Variants in KIAA1328 observed in about 807,000 individuals in gnomAD.
KIAA1328 encodes the protein KIAA1328, also known as protein hinderin.
KIAA1328 carries 52 observed loss-of-function variants against 68.1 expected under a neutral mutation model. That is an observed-to-expected ratio of 0.76 (90% CI 0.61 to 0.96). The LOEUF is 0.96. Among genes scored for constraint, KIAA1328 ranks in the 40% least tolerant of loss-of-function variants. The probability of loss-of-function intolerance (pLI) is 0.00; values close to 1 mark genes in which losing one functional copy is unlikely to be tolerated. For missense variants in KIAA1328, 641 were observed against 677.6 expected (o/e 0.95, Z 0.60); for synonymous variants, 232 against 239.4 (o/e 0.97, Z 0.28).
intron 6 of KIAA1328, among the ~76,000 whole-genome samples, chr18:36,967,889 A>G (rs1469664104): frequency 6.6e-6 from 1 of 152,228 alleles, no homozygotes; most frequent in Non-Finnish European, 1.5e-5. Flanking sequence ...GTAAAGAAAA[A>G]AGAATGAAAG....
Position 37,125,662 on chromosome 18 carries a change from C to A in KIAA1328, c.1233-34538C>A, listed in dbSNP as rs79996873. Among the ~76,000 whole-genome samples the A allele has an allele frequency of 8.3e-3, 1,259 of 152,220 alleles. 20 individuals carry two copies. The highest frequency in any genetic ancestry group is 0.028 in the African/African-American group (1,182 of 41,538). ...AGATTACCAATCTCAAGAGCGAAAG[C>A]AGAGGCATTTCTACAGATATTACAG... On this transcript the variant is annotated intron_variant, in intron 7 of 9. Coordinates refer to ENST00000280020, the MANE Select transcript of KIAA1328 (RefSeq NM_020776.3).
intron 6 of KIAA1328, among the ~76,000 whole-genome samples, chr18:37,013,377 G>C (rs2054042262): frequency 6.6e-6 from 1 of 151,782 alleles, no homozygotes; most frequent in South Asian, 2.1e-4. Context: ...ATTTTTATGG[G>C]GTACATGTGC....
chr18:36,912,876 G>T (rs1360004970), intron 5 of KIAA1328, among the ~76,000 whole-genome samples: 1 of 152,158 alleles, frequency 6.6e-6, no homozygotes, highest in African/African-American at 2.4e-5. Context: ...TCCCAAAATG[G>T]TGGGGCAACG....
chr18:37,114,012 G>C (rs2058026441), intron 7 of KIAA1328, among the ~76,000 whole-genome samples: 1 of 152,126 alleles, frequency 6.6e-6, no homozygotes, highest in Non-Finnish European at 1.5e-5. Context: ...CATAAAGCAA[G>C]TCCTTAGAGA....
At chr18:36,864,011 A>G (rs1181890152) in intron 4 of KIAA1328, among the ~76,000 whole-genome samples, 1 of 152,134 alleles carries the variant, frequency 6.6e-6, no homozygotes, top group African/African-American at 2.4e-5. Context: ...TTCTATTTCT[A>G]AACTTCTGGT....
intron 6 of KIAA1328, among the ~76,000 whole-genome samples, chr18:37,005,187 C>G (rs1304720827): frequency 6.6e-6 from 1 of 151,904 alleles, no homozygotes; most frequent in Admixed American, 6.6e-5. Context: ...ACCACTAAAG[C>G]ACTTACTCAT....
chr18:36,949,152 C>T (rs766577906), intron 5 of KIAA1328, among the ~76,000 whole-genome samples: 21 of 152,036 alleles, frequency 1.4e-4, no homozygotes, highest in Non-Finnish European at 2.5e-4. Context: ...GTTCTTGTAA[C>T]CCATGAAAGG....
At chr18:37,142,997 C>T (rs2058805618) in intron 7 of KIAA1328, among the ~76,000 whole-genome samples, 2 of 151,350 alleles carry the variant, frequency 1.3e-5, no homozygotes, top group African/African-American at 4.9e-5. Flanking sequence ...CTCTGTCCCC[C>T]AGCCTGGAGT....
intron 6 of KIAA1328, among the ~76,000 whole-genome samples, chr18:37,003,718 A>G (rs148144108): frequency 0.016 from 2,416 of 152,204 alleles, 13 homozygotes; most frequent in Non-Finnish European, 0.024. Context: ...TTATAATTTC[A>G]GATCTTATAT....
intron 7 of KIAA1328, among the ~76,000 whole-genome samples, chr18:37,143,101 T>C (rs975368805): frequency 3.3e-5 from 5 of 152,070 alleles, no homozygotes; most frequent in African/African-American, 9.7e-5. Flanking sequence ...ATTACAGGCA[T>C]GTGCCACCAC....
At chr18:36,983,575 GA>G (rs967052415) in intron 6 of KIAA1328, among the ~76,000 whole-genome samples, 7 of 149,300 alleles carry the variant, frequency 4.7e-5, no homozygotes, top group Non-Finnish European at 7.5e-5. Flanking sequence ...ATACTTAAGA[GA>G]AAAAAAAAGG....
chr18:37,067,515 A>G lies in KIAA1328; in HGVS notation c.1202A>G (p.Gln401Arg), dbSNP rs1273705839. The G allele has an allele frequency of 3.3e-6, 5 of 1,538,244 alleles. No individual in the cohort carries two copies. Among genetic ancestry groups the G allele is most frequent in the Non-Finnish European group, 4.4e-6 (5 of 1,145,744 alleles). Residue 401 changes from glutamine (Q) to arginine (R), a missense_variant, in exon 7 of 10, where the codon CAG becomes CGG. Physicochemically the swap from Gln to Arg is conservative, Grantham distance 43 (BLOSUM62 1). Transcript: ENST00000280020. Reference sequence around the variant, plus strand: ...ACAAAGCTTCTTCTAAAACAGCAGCAGCTTCACCAGTCTCGACTGGATTAC... The same window carrying G: ...ACAAAGCTTCTTCTAAAACAGCAGCGGCTTCACCAGTCTCGACTGGATTAC... The part of the protein sequence containing the change: ...QETKLLLKQQ[Q>R]LHQSRLDYNC...
At chr18:37,209,217 T>C (rs1272217516) in intron 9 of KIAA1328, among the ~76,000 whole-genome samples, 1 of 152,230 alleles carries the variant, frequency 6.6e-6, no homozygotes, top group African/African-American at 2.4e-5. Flanking sequence ...TCAGAATCTT[T>C]GAAATAAATT....
intron 7 of KIAA1328, among the ~76,000 whole-genome samples, chr18:37,145,301 G>A (rs1400818905): frequency 1.3e-5 from 2 of 152,114 alleles, no homozygotes; most frequent in African/African-American, 2.4e-5. Flanking sequence ...TAACTCCAGT[G>A]TGGTCAGATA....
intron 5 of KIAA1328, among the ~76,000 whole-genome samples, chr18:36,890,032 T>TTTTG (rs1010078650): frequency 1.2e-4 from 19 of 152,122 alleles, no homozygotes; most frequent in Non-Finnish European, 2.4e-4. Context: ...GTTGTGGTTT[T>TTTTG]TTTGTTTGTT....
chr18:36,829,224 G>T, intron 1 of KIAA1328, 28 bp downstream of exon 1: 1 of 1,497,124 alleles, frequency 6.7e-7, no homozygotes, highest in Non-Finnish European at 8.9e-7. Context: ...GACAGGGGGC[G>T]CCGGCGCCCT....
In KIAA1328 at chr18:37,222,820, A is replaced by G; in HGVS notation, c.*593A>G. The stretch of plus-strand genomic sequence containing the variant: ...GTAGCCATCAGCCTGGCAGCTGCCC[A>G]TCCCATAACCAAAGAGCTCAATGGG... On this transcript the variant is annotated 3_prime_UTR_variant, in exon 10 of 10. Coordinates refer to ENST00000280020, the MANE Select transcript of KIAA1328 (RefSeq NM_020776.3). 1.0e-6 allele frequency: 1 copy of G among 991,672 alleles called. No individual in the cohort carries two copies. The highest frequency in any genetic ancestry group is 5.2e-4 in the Middle Eastern group (1 of 1,926). The allele number at this position is 991,672 out of a possible 1,614,324, so 61.4% of individuals were successfully genotyped here.
rs377601691 is a variant in KIAA1328 at position 37,119,319 on chromosome 18, G to A, written c.1233-40881G>A. Among the ~76,000 whole-genome samples, 8 of 152,206 alleles carry A rather than the reference G, an allele frequency of 5.3e-5. No homozygotes were observed. The East Asian group carries it at 1.3e-3, about 26-fold the overall frequency. On this transcript the variant is annotated intron_variant, in intron 7 of 9. Coordinates refer to ENST00000280020, the MANE Select transcript of KIAA1328 (RefSeq NM_020776.3). ...CTAGTTTAGAGAAAAGACATTATAT[G>A]TACTCATGTTTATATATTGTCTTAG...
At chr18:36,895,637 A>G in intron 5 of KIAA1328, 1 of 391,684 alleles carries the variant, frequency 2.6e-6, no homozygotes, top group South Asian at 2.0e-5. Context: ...TTCTGGGCTT[A>G]GCAAGGTTCG....
Sources: allele counts gnomAD v4.1 joint callset (sites outside exome capture counted in the v4.1 genomes callset), GRCh38; gene constraint gnomAD v4.1.1; transcripts MANE v1.5; gene names NCBI Gene and HGNC (gene_info 2026-07-23, HGNC 2026-07-21).